Variants in NRXN1 observed in about 807,000 individuals in gnomAD.
NRXN1 encodes the protein neurexin-1.
NRXN1 carries 39 observed loss-of-function variants against 150.9 expected under a neutral mutation model. That is an observed-to-expected ratio of 0.26 (90% CI 0.20 to 0.34). The LOEUF (loss-of-function observed/expected upper bound fraction) is 0.34. Among genes scored for constraint, NRXN1 ranks in the 10% least tolerant of loss-of-function variants. The pLI, the probability that NRXN1 is intolerant of heterozygous loss-of-function variation, is 1.00. For missense variants in NRXN1, 1,815 were observed against 1,949.9 expected, an observed-to-expected ratio of 0.93 and a Z score of 1.30; for synonymous variants, 924 against 757.0, an observed-to-expected ratio of 1.22 and a Z score of -3.62.
intron 17 of NRXN1, among the ~76,000 whole-genome samples, chr2:50,364,717 G>A (rs918672162): frequency 6.6e-6 from 1 of 152,092 alleles, no homozygotes; most frequent in African/African-American, 2.4e-5. Context: ...TAAAAGAAGA[G>A]TAAAGGTGGG....
chr2:50,248,322 T>C (rs1009957249), intron 17 of NRXN1, among the ~76,000 whole-genome samples: 3 of 152,198 alleles, frequency 2.0e-5, no homozygotes, highest in Non-Finnish European at 4.4e-5. Context: ...TTTAGAATCC[T>C]GAATAAGATT....
At chr2:50,542,866 C>T (rs1409766331) in intron 9 of NRXN1, among the ~76,000 whole-genome samples, 1 of 151,970 alleles carries the variant, frequency 6.6e-6, no homozygotes, top group Non-Finnish European at 1.5e-5. Context: ...TCACAGAATC[C>T]GAATTAGTTT....
At chr2:50,260,162 G>C (rs1367921702) in intron 17 of NRXN1, among the ~76,000 whole-genome samples, 1 of 151,672 alleles carries the variant, frequency 6.6e-6, no homozygotes, top group Non-Finnish European at 1.5e-5. Context: ...TTATCTATGA[G>C]ACCCCTCTGT....
intron 17 of NRXN1, among the ~76,000 whole-genome samples, chr2:50,357,796 C>T (rs1267959135): frequency 3.3e-5 from 5 of 152,100 alleles, no homozygotes; most frequent in Non-Finnish European, 7.4e-5. Context: ...GCAAGATGGC[C>T]AAATAGGAAC....
At chr2:50,790,222 G>A (rs972452055) in intron 5 of NRXN1, among the ~76,000 whole-genome samples, 1 of 151,872 alleles carries the variant, frequency 6.6e-6, no homozygotes, top group Non-Finnish European at 1.5e-5. Flanking sequence ...TTCAGTTCTT[G>A]CAACTCTTCC....
At chr2:50,696,804 C>T (rs2104926747) in intron 5 of NRXN1, among the ~76,000 whole-genome samples, 1 of 152,182 alleles carries the variant, frequency 6.6e-6, no homozygotes, top group Non-Finnish European at 1.5e-5. Flanking sequence ...TCATATACTA[C>T]CAGGAGTCAT....
At chr2:50,621,741 T>C (rs779759330) in intron 6 of NRXN1, among the ~76,000 whole-genome samples, 3 of 152,100 alleles carry the variant, frequency 2.0e-5, no homozygotes, top group Non-Finnish European at 4.4e-5. Context: ...TTTTACAGCA[T>C]ACAAGGACTC....
intron 18 of NRXN1, among the ~76,000 whole-genome samples, chr2:50,115,046 A>G (rs995238407): frequency 2.3e-4 from 35 of 151,858 alleles, no homozygotes; most frequent in Non-Finnish European, 2.9e-5. Context: ...AGGTTCATCG[A>G]TTATAACAAA....
At chr2:50,921,836 A>G (rs546339049) in intron 5 of NRXN1, 33 bp downstream of exon 5, 1 of 1,122,030 alleles carries the variant, frequency 8.9e-7, no homozygotes, top group Non-Finnish European at 1.2e-6. Context: ...ATTCATACAG[A>G]TGATATTAAG....
chr2:51,008,373 A>G (rs1180888317), intron 2 of NRXN1, among the ~76,000 whole-genome samples: 1 of 151,946 alleles, frequency 6.6e-6, no homozygotes, highest in Admixed American at 6.6e-5. Flanking sequence ...ATGAGAAAGC[A>G]TGACGTGTAG....
intron 2 of NRXN1, among the ~76,000 whole-genome samples, chr2:50,988,701 G>A (rs938434688): frequency 7.9e-5 from 12 of 151,878 alleles, no homozygotes; most frequent in African/African-American, 2.9e-4. Flanking sequence ...CATTGATATA[G>A]CAGAGTATTT....
chr2:50,816,337 C>T lies in NRXN1; in HGVS notation c.832+105532G>A, dbSNP rs376289953. On this transcript the variant is annotated intron_variant, in intron 5 of 22. Transcript: ENST00000401669. ...ACACATTTCAGTGTCTCCTGGGTGG[C>T]AGACCTCACAGAATGAAGCCAGGAG... 3.9e-5 allele frequency among the ~76,000 whole-genome samples: 6 copies of T among 152,174 alleles called. No homozygotes were observed. The East Asian group carries it at 1.2e-3, about 29-fold the overall frequency.
chr2:50,634,039 C>T (rs1682825720), intron 5 of NRXN1, among the ~76,000 whole-genome samples: 1 of 152,104 alleles, frequency 6.6e-6, no homozygotes, highest in African/African-American at 2.4e-5. Flanking sequence ...GAGCATTGAG[C>T]ACAGTGACAC....
At chr2:50,317,727 T>C (rs570814213) in intron 17 of NRXN1, among the ~76,000 whole-genome samples, 92 of 152,134 alleles carry the variant, frequency 6.0e-4, no homozygotes, top group African/African-American at 2.2e-3. Context: ...AAAGCCTTAC[T>C]TTGTAAAAAT....
intron 8 of NRXN1, among the ~76,000 whole-genome samples, chr2:50,559,530 T>C (rs537540370): frequency 5.5e-4 from 83 of 152,178 alleles, no homozygotes; most frequent in Non-Finnish European, 1.0e-3. Flanking sequence ...ACTAATTTAA[T>C]ACGCTAGTTT....
intron 2 of NRXN1, among the ~76,000 whole-genome samples, chr2:50,971,309 G>A (rs1694952984): frequency 6.6e-6 from 1 of 152,134 alleles, no homozygotes; most frequent in African/African-American, 2.4e-5. Context: ...AACAGGCCGG[G>A]CGTGGTGGCT....
chr2:50,791,289 A>C (rs1365916557), intron 5 of NRXN1, among the ~76,000 whole-genome samples: 1 of 144,100 alleles, frequency 6.9e-6, no homozygotes, highest in Non-Finnish European at 1.5e-5. Context: ...TCAAAATGCT[A>C]CAGGAGATTC....
At chr2:50,930,217 C>G (rs1449403378) in intron 2 of NRXN1, among the ~76,000 whole-genome samples, 2 of 151,914 alleles carry the variant, frequency 1.3e-5, no homozygotes, top group Non-Finnish European at 2.9e-5. Flanking sequence ...CTTCACTGCT[C>G]GGGAATAAAA....
intron 2 of NRXN1, among the ~76,000 whole-genome samples, chr2:50,945,655 A>C (rs11125328): frequency 0.8 from 120,516 of 151,404 alleles, 48,139 homozygotes; most frequent in East Asian, 0.99. Context: ...GATTCTAATT[A>C]TTAGGTAATA....
Sources: gnomAD v4.1 joint callset for allele counts (sites outside exome capture counted in the v4.1 genomes callset) on GRCh38, gnomAD v4.1.1 for gene constraint, MANE v1.5 for transcripts, NCBI Gene and HGNC (gene_info 2026-07-23, HGNC 2026-07-21) for gene names.